The following ZNF227 variants were observed in gnomAD, a reference collection of about 807,000 sequenced individuals.
ZNF227 encodes the protein zinc finger protein 227.
In ZNF227, 12 loss-of-function variants were observed where a neutral mutation model predicts 13.2. The observed-to-expected ratio is 0.91, with a 90% CI of 0.58 to 1.47. ZNF227 has a LOEUF of 1.47. Ranked by LOEUF, ZNF227 falls within the 40% of genes most tolerant of loss-of-function variation. The pLI, the probability that ZNF227 is intolerant of heterozygous loss-of-function variation, is 0.00. For synonymous variants in ZNF227, 338 were observed against 326.0 expected (o/e 1.04, Z -0.40); for missense variants, 885 against 967.5 (o/e 0.91, Z 1.13).
chr19:44,208,027 A>C (rs112754259), upstream of ZNF227: 1 of 152,242 alleles, frequency 6.6e-6, no homozygotes, highest in Non-Finnish European at 1.5e-5. Flanking sequence ...ATGTTCTAAC[A>C]GAGAGACGAA....
Position 44,236,930 on chromosome 19 carries a change from A to C in ZNF227, c.*100A>C, listed in dbSNP as rs1235615322. 1.1e-6 allele frequency: 1 copy of C among 931,680 alleles called. No individual in the cohort carries two copies. The highest frequency in any genetic ancestry group is 1.7e-5 in the African/African-American group (1 of 59,978). The allele number at this position is 931,680 out of a possible 1,614,324, so 57.7% of individuals were successfully genotyped here. A position where few individuals can be genotyped will look rare whatever the true frequency, so the allele number is the denominator to read the frequency against. On this transcript the variant is annotated 3_prime_UTR_variant, in exon 6 of 6. Transcript: ENST00000313040. ...ACCCTGTAAAACTACTGAGAGTGGA[A>C]GGGGGTTTGTTCACACTTGGAATCT...
At chr19:44,219,847 G>A (rs1319762548) in intron 3 of ZNF227, among the ~76,000 whole-genome samples, 1 of 151,448 alleles carries the variant, frequency 6.6e-6, no homozygotes, top group Non-Finnish European at 1.5e-5. Context: ...TGTTACATAT[G>A]TATACATGTG....
At chr19:44,211,991 G>T (rs1476265265), upstream of ZNF227, among the ~76,000 whole-genome samples, 2 of 150,146 alleles carry the variant, frequency 1.3e-5, no homozygotes, top group East Asian at 4.0e-4. Flanking sequence ...CAGGGTTCAA[G>T]CGATTCTTAT....
chr19:44,229,894 C>A, intron 5 of ZNF227, 78 bp downstream of exon 5: 1 of 1,003,622 alleles, frequency 1.0e-6, no homozygotes, highest in Non-Finnish European at 1.4e-6. Flanking sequence ...CCATGACCTC[C>A]CTGGTCTGAG....
chr19:44,211,710 C>T (rs559485247), upstream of ZNF227, among the ~76,000 whole-genome samples: 2 of 151,778 alleles, frequency 1.3e-5, no homozygotes, highest in East Asian at 1.9e-4. Flanking sequence ...ATTCTGCCTT[C>T]GTTGCATTTT....
In ZNF227 at chr19:44,235,442, G is replaced by A. The variant is rs775983517; in HGVS notation, c.1012G>A (p.Gly338Ser). 5.0e-6 allele frequency: 8 copies of A among 1,613,968 alleles called. No homozygotes were observed. The highest frequency in any genetic ancestry group is 6.8e-6 in the Non-Finnish European group (8 of 1,180,012). Residue 338 changes from glycine to serine, a missense_variant, in exon 6 of 6, where the codon GGT becomes AGT. Coordinates refer to ENST00000313040, the MANE Select transcript of ZNF227 (RefSeq NM_182490.3). ...CGGCAAGGGATTCAGTAGCAGCACGGGTCTTATCATTCATTACAGAACTCA... is the reference window on the plus strand; with the variant it reads ...CGGCAAGGGATTCAGTAGCAGCACGAGTCTTATCATTCATTACAGAACTCA... ...SCGKGFSSST[G>S]LIIHYRTHTG...
chr19:44,232,905 A>C (rs902970504), intron 5 of ZNF227, among the ~76,000 whole-genome samples: 1 of 152,054 alleles, frequency 6.6e-6, no homozygotes, highest in Non-Finnish European at 1.5e-5. Flanking sequence ...TCCTGACCTC[A>C]AGTGATCCAC....
intron 5 of ZNF227, among the ~76,000 whole-genome samples, chr19:44,232,625 C>T (rs1568611793): frequency 6.6e-6 from 1 of 151,814 alleles, no homozygotes; most frequent in Non-Finnish European, 1.5e-5. Flanking sequence ...AGGATAATCT[C>T]CTTAAGAGCT....
chr19:44,233,380 TC>T lies in ZNF227; in HGVS notation c.272-1321del, dbSNP rs549643316. 3.4e-3 allele frequency among the ~76,000 whole-genome samples: 519 copies of T among 152,302 alleles called. 1 individual carries two copies. The highest frequency in any genetic ancestry group is 5.4e-3 in the Non-Finnish European group (368 of 68,022). On this transcript the variant is annotated intron_variant, in intron 5 of 5. Transcript: ENST00000313040. ...ATTCTGTTTTTTGTTTTTTTGTCAG[TC>T]ACAAGTTACATACTTGGTTTCATGG...
At chr19:44,232,047 T>C (rs182446914) in intron 5 of ZNF227, among the ~76,000 whole-genome samples, 4 of 152,346 alleles carry the variant, frequency 2.6e-5, no homozygotes, top group Admixed American at 2.6e-4. Flanking sequence ...AAAACAGTTA[T>C]ATAACCTACA....
intron 3 of ZNF227, among the ~76,000 whole-genome samples, chr19:44,219,241 T>C (rs1972200259): frequency 1.3e-5 from 2 of 150,890 alleles, no homozygotes; most frequent in Non-Finnish European, 2.9e-5. Context: ...CCAGTTTCCA[T>C]CTCAATTACT....
rs1389258410 is a variant in ZNF227, at chr19:44,228,469, G to A, written c.84G>A (p.Val28=). ...KFQEAVTFKD[V]AVVFSREELR... is the part of the protein sequence containing the mutation. ...AGGAGGCTGTGACATTCAAGGATGT[G>A]GCTGTGGTCTTCTCCAGGGAGGAAC... Residue 28 remains valine, a synonymous_variant, in exon 4 of 6, where the codon GTG becomes GTA. Transcript: ENST00000313040. The A allele has an allele frequency of 6.2e-7, 1 of 1,613,260 alleles. No individual in the cohort carries two copies. Among genetic ancestry groups the A allele is most frequent in the Non-Finnish European group, 8.5e-7 (1 of 1,179,822 alleles).
chr19:44,230,544 C>T (rs1973673616), intron 5 of ZNF227, among the ~76,000 whole-genome samples: 1 of 152,110 alleles, frequency 6.6e-6, no homozygotes, highest in Admixed American at 6.5e-5. Context: ...CCTTCTCTTC[C>T]ATGGCTTCTA....
chr19:44,230,908 C>CAAAA (rs561975781), intron 5 of ZNF227, among the ~76,000 whole-genome samples: 18 of 57,098 alleles, frequency 3.2e-4, no homozygotes, highest in African/African-American at 7.7e-4. Context: ...TCCATCTCTA[C>CAAAA]AAAAAAAAAA....
Position 44,226,484 on chromosome 19 carries a change from G to A in ZNF227, c.61-1962G>A, listed in dbSNP as rs971783563. 1.1e-4 allele frequency among the ~76,000 whole-genome samples: 16 copies of A among 152,176 alleles called. 1 individual carries two copies. The highest frequency in any genetic ancestry group is 3.1e-4 in the African/African-American group (13 of 41,440). ...TAATCAAGCCTGGGCAATGGCAGGCGCCCTCCCCCAGCCTCGCTGCCTCCT... is the reference window on the plus strand; with the variant it reads ...TAATCAAGCCTGGGCAATGGCAGGCACCCTCCCCCAGCCTCGCTGCCTCCT... On this transcript the variant is annotated intron_variant, in intron 3 of 5. Transcript: ENST00000313040.
Position 44,235,176 on chromosome 19 carries a change from C to G in ZNF227, c.746C>G (p.Pro249Arg), listed in dbSNP as rs767191942. 1 of 1,614,038 alleles carries G rather than the reference C, an allele frequency of 6.2e-7. No homozygotes were observed. The highest frequency in any genetic ancestry group is 8.5e-7 in the Non-Finnish European group (1 of 1,180,016). Residue 249 changes from proline to arginine, a missense_variant, in exon 6 of 6, where the codon CCC becomes CGC. Physicochemically the swap from Pro to Arg is moderately radical, Grantham distance 103. Coordinates refer to ENST00000313040, the MANE Select transcript of ZNF227 (RefSeq NM_182490.3). Reference protein sequence around the residue: ...SNQKLPLGEKPHPCGECGRGF... With the variant: ...SNQKLPLGEKRHPCGECGRGF... ...CAGAAATTACCCTTAGGAGAGAAACCCCATCCATGTGGTGAGTGTGGAAGG... is the reference window on the plus strand; with the variant it reads ...CAGAAATTACCCTTAGGAGAGAAACGCCATCCATGTGGTGAGTGTGGAAGG...
At chr19:44,209,168 AT>A (rs1971282036), upstream of ZNF227, among the ~76,000 whole-genome samples, 1 of 152,156 alleles carries the variant, frequency 6.6e-6, no homozygotes, top group Admixed American at 6.5e-5. Context: ...TATTTCTCTA[AT>A]TTTTCTTGTA....
Position 44,237,128 on chromosome 19 carries a change from G to A in ZNF227, c.*298G>A. 2 of 252,822 alleles carry A rather than the reference G, an allele frequency of 7.9e-6. No individual in the cohort carries two copies. Among genetic ancestry groups the A allele is most frequent in the Non-Finnish European group, 1.5e-5 (2 of 133,800 alleles). 15.7% of individuals were successfully genotyped at this position (252,822 alleles called of 1,614,324 possible). A position where few individuals can be genotyped will look rare whatever the true frequency, so the allele number is the denominator to read the frequency against. ...ATGTGTGGAAGGATATTTGCCATAT[G>A]CTAACTGGTTTTTTGGCCAGGGAGA... On this transcript the variant is annotated 3_prime_UTR_variant, in exon 6 of 6. Coordinates refer to ENST00000313040, the MANE Select transcript of ZNF227 (RefSeq NM_182490.3).
rs770838132 is a variant in ZNF227, at chr19:44,236,304, T to C, written c.1874T>C (p.Val625Ala). ...QAIDFRVHQR[V>A]HTGEKPYKCG... ...ATAGATTTTCGGGTACATCAGAGAG[T>C]CCATACTGGAGAGAAGCCATACAAA... Residue 625 changes from valine to alanine, a missense_variant, in exon 6 of 6, where the codon GTC (valine) becomes GCC (alanine). Transcript: ENST00000313040. The C allele has an allele frequency of 1.9e-6, 3 of 1,613,544 alleles. No homozygotes were observed. The highest frequency in any genetic ancestry group is 3.3e-5 in the Admixed American group (2 of 59,944).
Sources: allele counts gnomAD v4.1 joint callset (sites outside exome capture counted in the v4.1 genomes callset), GRCh38; gene constraint gnomAD v4.1.1; transcripts MANE v1.5; gene names NCBI Gene and HGNC (gene_info 2026-07-23, HGNC 2026-07-21).